TBC1D30: variants seen among roughly 807,000 people sequenced by gnomAD.
TBC1D30 encodes TBC1 domain family member 30.
In TBC1D30, 31 loss-of-function variants were observed where a neutral mutation model predicts 63.2. That is an observed-to-expected ratio of 0.49 (90% CI 0.37 to 0.66). The LOEUF (loss-of-function observed/expected upper bound fraction) is 0.66, where lower values mean the gene tolerates loss of function less well. Ranked by LOEUF, TBC1D30 falls within the 30% of genes least tolerant of loss-of-function variation. TBC1D30 has a pLI of 0.00. For synonymous variants in TBC1D30, 307 were observed against 361.5 expected, an observed-to-expected ratio of 0.85 and a Z score of 1.71; for missense variants, 810 against 953.6, an observed-to-expected ratio of 0.85 and a Z score of 1.98.
intron 8 of TBC1D30, among the ~76,000 whole-genome samples, chr12:64,862,808 G>A (rs1877901408): frequency 1.3e-5 from 2 of 152,086 alleles, no homozygotes; most frequent in South Asian, 2.1e-4. Context: ...CTGTTAGGGA[G>A]GAAAAAAAAT....
intron 9 of TBC1D30, 66 bp from the exon 10 acceptor site, chr12:64,866,698 G>C: frequency 6.9e-7 from 1 of 1,439,716 alleles, no homozygotes; most frequent in Non-Finnish European, 9.3e-7. Context: ...CCATGTAACT[G>C]TATTATGTTT....
At chr12:64,825,978 C>T (rs1874306872) in intron 1 of TBC1D30, among the ~76,000 whole-genome samples, 2 of 152,220 alleles carry the variant, frequency 1.3e-5, no homozygotes, top group African/African-American at 4.8e-5. Context: ...GCGGCACTGC[C>T]TTTCCCAACC....
intron 2 of TBC1D30, among the ~76,000 whole-genome samples, chr12:64,811,700 A>T (rs1050815393): frequency 4.6e-5 from 7 of 152,208 alleles, no homozygotes; most frequent in African/African-American, 1.4e-4. Flanking sequence ...TTCTGTTATC[A>T]TGAGATTTTT....
chr12:64,766,536 C>G (rs906794575), intron 1 of TBC1D30, among the ~76,000 whole-genome samples: 2 of 151,856 alleles, frequency 1.3e-5, no homozygotes, highest in African/African-American at 4.8e-5. Context: ...AACAAAGTAC[C>G]AAAATTCTTG....
At chr12:64,840,682 C>G (rs189006074) in intron 7 of TBC1D30, among the ~76,000 whole-genome samples, 22 of 152,260 alleles carry the variant, frequency 1.4e-4, no homozygotes, top group African/African-American at 5.1e-4. Context: ...TCTAAAGTCA[C>G]CTAATTACTA....
At chr12:64,781,294 C>G in intron 1 of TBC1D30, 2 of 1,118,340 alleles carry the variant, frequency 1.8e-6, no homozygotes, top group Middle Eastern at 4.2e-4. Context: ...AAGGTGAGGG[C>G]CGGGCGCAGC....
chr12:64,813,127 A>G (rs1157314566), intron 2 of TBC1D30, among the ~76,000 whole-genome samples: 1 of 152,090 alleles, frequency 6.6e-6, no homozygotes, highest in Non-Finnish European at 1.5e-5. Flanking sequence ...TGGTGGTTCA[A>G]GCCTGTAATC....
chr12:64,865,665 G>A (rs1167920593), intron 9 of TBC1D30, among the ~76,000 whole-genome samples: 1 of 152,118 alleles, frequency 6.6e-6, no homozygotes, highest in Admixed American at 6.5e-5. Context: ...AGACCAGCCT[G>A]GGCAACGTAG....
Position 64,864,691 on chromosome 12 carries a change from C to G in TBC1D30, c.1062C>G (p.Phe354Leu), listed in dbSNP as rs993383880. Residue 354 changes from phenylalanine to leucine, a missense_variant, in exon 9 of 12, where the codon TTC becomes TTG. Around this residue, in one of 4 missense-constraint regions of TBC1D30, gnomAD observed 83 missense variants for 121.5 expected, o/e 0.68. Transcript: ENST00000539867. ...LMQTVYSMAP[F>L]PFPQLAELRE... ...AGACTGTTTATTCCATGGCTCCGTT[C>G]CCTTTCCCACAATTGGCAGAGTTGA... The G allele has an allele frequency of 5.2e-6, 8 of 1,536,362 alleles. No individual in the cohort carries two copies. The highest frequency in any genetic ancestry group is 7.0e-6 in the Non-Finnish European group (8 of 1,146,966).
intron 3 of TBC1D30, among the ~76,000 whole-genome samples, chr12:64,829,132 A>G (rs1389136653): frequency 6.6e-6 from 1 of 152,160 alleles, no homozygotes; most frequent in Non-Finnish European, 1.5e-5. Context: ...GTGGGCTATC[A>G]TAGGTCTTGG....
At chr12:64,833,487 T>C (rs923109582) in intron 5 of TBC1D30, among the ~76,000 whole-genome samples, 1 of 152,206 alleles carries the variant, frequency 6.6e-6, no homozygotes, top group African/African-American at 2.4e-5. Flanking sequence ...CTTTGTGATG[T>C]ATGAGATAGA....
intron 2 of TBC1D30, among the ~76,000 whole-genome samples, chr12:64,812,766 T>G (rs1873290275): frequency 6.6e-6 from 1 of 152,068 alleles, no homozygotes. Context: ...TTTTTTTTTT[T>G]GCTTGCAGTG....
chr12:64,812,843 A>G (rs1873294855), intron 2 of TBC1D30, among the ~76,000 whole-genome samples: 1 of 152,078 alleles, frequency 6.6e-6, no homozygotes, highest in South Asian at 2.1e-4. Context: ...AAGAGCAGAA[A>G]AGGGTTGGCT....
At chr12:64,850,691 G>T (rs1015609970) in intron 8 of TBC1D30, among the ~76,000 whole-genome samples, 1 of 152,124 alleles carries the variant, frequency 6.6e-6, no homozygotes, top group African/African-American at 2.4e-5. Flanking sequence ...TTTTATTGAG[G>T]ATTTTTGCAT....
chr12:64,842,955 G>T (rs1876013222), intron 7 of TBC1D30, among the ~76,000 whole-genome samples: 1 of 152,134 alleles, frequency 6.6e-6, no homozygotes, highest in South Asian at 2.1e-4. Context: ...CAAATATCAG[G>T]ATTTTGATAT....
chr12:64,828,926 A>G (rs1226239195), intron 3 of TBC1D30, among the ~76,000 whole-genome samples: 2 of 151,690 alleles, frequency 1.3e-5, no homozygotes, highest in African/African-American at 4.8e-5. Flanking sequence ...ACCTGGGAGG[A>G]GATACTCCAG....
chr12:64,838,488 G>A (rs925533348), intron 6 of TBC1D30, among the ~76,000 whole-genome samples, 195 bp from the exon 7 acceptor site: 1 of 152,168 alleles, frequency 6.6e-6, no homozygotes, highest in East Asian at 1.9e-4. Flanking sequence ...ATTTTTTGAA[G>A]TTCATATTTG....
intron 1 of TBC1D30, 35 bp from the exon 2 acceptor site, chr12:64,827,800 C>T (rs929907269): frequency 1.3e-5 from 18 of 1,414,728 alleles, no homozygotes; most frequent in Admixed American, 1.0e-4. Flanking sequence ...TTATAGTCTC[C>T]AAAAATAACA....
chr12:64,793,993 G>GT (rs1351083557), intron 2 of TBC1D30, among the ~76,000 whole-genome samples: 2 of 152,200 alleles, frequency 1.3e-5, no homozygotes, highest in Non-Finnish European at 2.9e-5. Flanking sequence ...TGCTTGTGAA[G>GT]TAAGTTTTTG....
Sources: allele counts gnomAD v4.1 joint callset (sites outside exome capture counted in the v4.1 genomes callset), GRCh38; gene constraint gnomAD v4.1.1; regional missense constraint gnomAD v4.1.1; transcripts MANE v1.5; gene names NCBI Gene and HGNC (gene_info 2026-07-23, HGNC 2026-07-21).